The following NCMAP variants were observed in gnomAD, a reference collection of about 807,000 sequenced individuals.
NCMAP encodes the protein non-compact myelin associated protein.
A neutral mutation model predicts 7.8 loss-of-function variants in NCMAP; 8 were observed. That is an observed-to-expected ratio of 1.02 (90% CI 0.60 to 1.84). The LOEUF (loss-of-function observed/expected upper bound fraction) is 1.84, where lower values mean the gene tolerates loss of function less well. Among genes scored for constraint, NCMAP ranks in the 40% most tolerant of loss-of-function variants. NCMAP has a pLI of 0.00. For missense variants in NCMAP, 112 were observed against 131.4 expected, an observed-to-expected ratio of 0.85 and a Z score of 0.72; for synonymous variants, 41 against 52.9, an observed-to-expected ratio of 0.78 and a Z score of 0.98.
intron 1 of NCMAP, among the ~76,000 whole-genome samples, chr1:24,570,110 ATT>A (rs750896180): frequency 2.9e-5 from 4 of 139,618 alleles, no homozygotes; most frequent in African/African-American, 5.5e-5. Context: ...ACACCTGGAA[ATT>A]TTTTTTTTTT....
intron 1 of NCMAP, among the ~76,000 whole-genome samples, chr1:24,594,900 A>AT (rs71683599): frequency 0.5 from 75,755 of 151,904 alleles, 19,643 homozygotes; most frequent in African/African-American, 0.63. Context: ...TAAAAAAAAA[A>AT]TTTTTTAAAT....
chr1:24,601,141 TA>T, intron 3 of NCMAP, 117 bp downstream of exon 3: 1 of 774,768 alleles, frequency 1.3e-6, no homozygotes, highest in Non-Finnish European at 2.2e-6. Context: ...CAGCCTTTAG[TA>T]AATGCTCTAA....
intron 1 of NCMAP, among the ~76,000 whole-genome samples, chr1:24,583,534 G>A (rs1651796530): frequency 6.6e-6 from 1 of 152,098 alleles, no homozygotes; most frequent in South Asian, 2.1e-4. Context: ...GCCAACATGG[G>A]TGAAACCCCA....
chr1:24,565,619 G>C (rs1651208056), intron 1 of NCMAP, among the ~76,000 whole-genome samples: 1 of 122,252 alleles, frequency 8.2e-6, no homozygotes, highest in Admixed American at 8.0e-5. Context: ...TGTGTGTTTT[G>C]AGACAGTCTT....
chr1:24,592,258 G>C (rs757031681), intron 1 of NCMAP, among the ~76,000 whole-genome samples: 1 of 152,148 alleles, frequency 6.6e-6, no homozygotes, highest in African/African-American at 2.4e-5. Context: ...AGGGGGAAAT[G>C]ATTGTTTTTT....
intron 3 of NCMAP, among the ~76,000 whole-genome samples, chr1:24,603,778 A>G (rs913323527): frequency 6.6e-6 from 1 of 152,034 alleles, no homozygotes; most frequent in African/African-American, 2.4e-5. Flanking sequence ...GTGTGTGACA[A>G]TAGAGAAAGA....
At chr1:24,565,615 T>TGTGTGTGTGTGTGTGTGTG (rs1651207604) in intron 1 of NCMAP, among the ~76,000 whole-genome samples, 2 of 141,154 alleles carry the variant, frequency 1.4e-5, no homozygotes, top group African/African-American at 5.3e-5. Context: ...TGTGTGTGTG[T>TGTGTGTGTGTGTGTGTGTG]TTTGAGACAG....
chr1:24,605,719 C>T lies in NCMAP; in HGVS notation c.281C>T (p.Pro94Leu), dbSNP rs370490919. The T allele has an allele frequency of 1.3e-4, 214 of 1,614,096 alleles. 2 individuals are homozygous for T. In the Admixed American group the frequency reaches 3.4e-3, roughly 26 times the overall value. Residue 94 changes from proline to leucine, a missense_variant, in exon 4 of 4, where the codon CCT becomes CTT. Transcript: ENST00000374392. ...SQHPATVTFS[P>L]VDVQVETR The stretch of plus-strand genomic sequence containing the variant: ...CACCCAGCAACTGTGACCTTCAGTC[C>T]TGTTGACGTCCAGGTGGAGACGCGA...
At chr1:24,573,971 A>AAC (rs1337931415) in intron 1 of NCMAP, among the ~76,000 whole-genome samples, 1 of 137,490 alleles carries the variant, frequency 7.3e-6, no homozygotes, top group African/African-American at 2.9e-5. Context: ...AAAAAAAAAA[A>AAC]CAGAAAAAAG....
chr1:24,605,155 T>A (rs923559457), intron 3 of NCMAP, among the ~76,000 whole-genome samples: 13 of 152,000 alleles, frequency 8.6e-5, no homozygotes, highest in Non-Finnish European at 1.9e-4. Context: ...TTATTGTTCA[T>A]TATTGAATTT....
In NCMAP at chr1:24,566,987, T is replaced by C. The variant is rs1440036424; in HGVS notation, c.-8+10818T>C. On this transcript the variant is annotated intron_variant, in intron 1 of 3. Coordinates refer to ENST00000374392, the MANE Select transcript of NCMAP (RefSeq NM_001010980.5). Reference sequence around the variant, plus strand: ...TAGAAAAATATCCAAGTCCAAGCAATGTAAAAGTACAAAGGAGGCTGTGAC... The same window carrying C: ...TAGAAAAATATCCAAGTCCAAGCAACGTAAAAGTACAAAGGAGGCTGTGAC... Among the ~76,000 whole-genome samples the C allele has an allele frequency of 3.3e-5, 5 of 152,066 alleles. No homozygotes were observed. In the East Asian group the frequency reaches 7.7e-4, roughly 23 times the overall value.
chr1:24,587,350 A>T (rs895517390), intron 1 of NCMAP, among the ~76,000 whole-genome samples: 1 of 152,212 alleles, frequency 6.6e-6, no homozygotes. Context: ...GCTTAAAAAC[A>T]GATTGGCTTC....
chr1:24,561,673 G>A (rs978367500), intron 1 of NCMAP, among the ~76,000 whole-genome samples: 3 of 152,180 alleles, frequency 2.0e-5, no homozygotes, highest in Admixed American at 1.3e-4. Context: ...CACTTTGGGA[G>A]ACTGAGGCGG....
At chr1:24,561,825 G>A (rs1440242753) in intron 1 of NCMAP, among the ~76,000 whole-genome samples, 4 of 151,580 alleles carry the variant, frequency 2.6e-5, no homozygotes, top group African/African-American at 4.9e-5. Flanking sequence ...GAGGAGAATC[G>A]CTTGAACCTG....
At chr1:24,574,908 G>A (rs893913903) in intron 1 of NCMAP, among the ~76,000 whole-genome samples, 7 of 146,848 alleles carry the variant, frequency 4.8e-5, no homozygotes, top group South Asian at 2.2e-4. Flanking sequence ...CAATTCTCCC[G>A]CCTCAGCCTC....
At chr1:24,571,590 C>T (rs1453171377) in intron 1 of NCMAP, among the ~76,000 whole-genome samples, 3 of 149,892 alleles carry the variant, frequency 2.0e-5, no homozygotes, top group African/African-American at 7.6e-5. Context: ...CATATATATA[C>T]TTTTTTTTTC....
intron 1 of NCMAP, among the ~76,000 whole-genome samples, chr1:24,562,212 C>T (rs1197127124): frequency 6.6e-6 from 1 of 152,230 alleles, no homozygotes; most frequent in Non-Finnish European, 1.5e-5. Flanking sequence ...TTCCCAGTAA[C>T]AGCGTCATTC....
rs1450810806 is a variant in NCMAP, at chr1:24,595,527, G to A, written c.82+15G>A. ...CCTGTATAAGAGTAAGGTCAAATTC[G>A]CTTAGAGGCTGGGGGAAGGATGGCA... is the stretch of plus-strand genomic sequence containing the variant. On this transcript the variant is annotated intron_variant, in intron 2 of 3. Coordinates refer to ENST00000374392, the MANE Select transcript of NCMAP (RefSeq NM_001010980.5). 7 of 1,593,118 alleles carry A rather than the reference G, an allele frequency of 4.4e-6. No individual in the cohort carries two copies. Among genetic ancestry groups the A allele is most frequent in the Middle Eastern group, 1.7e-4 (1 of 6,044 alleles).
chr1:24,594,017 G>A (rs1029630718), intron 1 of NCMAP, among the ~76,000 whole-genome samples: 5 of 150,782 alleles, frequency 3.3e-5, no homozygotes, highest in East Asian at 2.0e-4. Flanking sequence ...TCAGCCTCCC[G>A]AGTAGCCGGG....
Sources: allele counts gnomAD v4.1 joint callset (sites outside exome capture counted in the v4.1 genomes callset), GRCh38; gene constraint gnomAD v4.1.1; transcripts MANE v1.5; gene names NCBI Gene and HGNC (gene_info 2026-07-23, HGNC 2026-07-21).